The following CCDC60 variants were observed in gnomAD, a reference collection of about 807,000 sequenced individuals.
CCDC60 encodes the protein coiled-coil domain-containing protein 60.
In CCDC60, 54 loss-of-function variants were observed where a neutral mutation model predicts 63.5. The ratio of observed to expected loss-of-function variants is 0.85; its 90% CI spans 0.68 to 1.07. The LOEUF (loss-of-function observed/expected upper bound fraction) is 1.07. Among genes scored for constraint, CCDC60 ranks in the 50% least tolerant of loss-of-function variants. The pLI, the probability that CCDC60 is intolerant of heterozygous loss-of-function variation, is 0.00. For synonymous variants in CCDC60, 206 were observed against 238.8 expected (o/e 0.86, Z 1.27); for missense variants, 651 against 684.3 (o/e 0.95, Z 0.54).
intron 1 of CCDC60, among the ~76,000 whole-genome samples, chr12:119,345,253 C>A (rs2136146881): frequency 6.6e-6 from 1 of 152,248 alleles, no homozygotes; most frequent in African/African-American, 2.4e-5. Flanking sequence ...CCCGTAATCC[C>A]AGCACTTTGG....
At chr12:119,389,190 A>G (rs778374668) in intron 1 of CCDC60, among the ~76,000 whole-genome samples, 1 of 152,210 alleles carries the variant, frequency 6.6e-6, no homozygotes, top group Non-Finnish European at 1.5e-5. Flanking sequence ...ATGATAACAC[A>G]TAAGTACCTC....
At chr12:119,440,318 C>T (rs533707651) in intron 2 of CCDC60, among the ~76,000 whole-genome samples, 2 of 152,186 alleles carry the variant, frequency 1.3e-5, no homozygotes, top group South Asian at 4.1e-4. Flanking sequence ...ATTGTGAGGT[C>T]AGGAGATCAA....
intron 2 of CCDC60, among the ~76,000 whole-genome samples, chr12:119,446,404 G>C (rs1398368818): frequency 6.6e-6 from 1 of 152,196 alleles, no homozygotes; most frequent in African/African-American, 2.4e-5. Context: ...ACAATTCCAG[G>C]GGGCATCATT....
At chr12:119,383,035 A>G (rs1956024392) in intron 1 of CCDC60, among the ~76,000 whole-genome samples, 1 of 152,192 alleles carries the variant, frequency 6.6e-6, no homozygotes, top group Admixed American at 6.5e-5. Context: ...CTGGGTGGCC[A>G]CTGCACTGGA....
intron 1 of CCDC60, among the ~76,000 whole-genome samples, chr12:119,339,104 C>T (rs1438218653): frequency 1.3e-5 from 2 of 152,052 alleles, no homozygotes; most frequent in African/African-American, 4.8e-5. Flanking sequence ...ATGTTGGGTT[C>T]CCTAATCTGC....
intron 1 of CCDC60, among the ~76,000 whole-genome samples, chr12:119,358,779 C>T (rs1342727542): frequency 3.3e-5 from 5 of 152,116 alleles, no homozygotes; most frequent in Non-Finnish European, 7.4e-5. Context: ...GTCATTTGTT[C>T]ATTATCATTG....
intron 2 of CCDC60, among the ~76,000 whole-genome samples, chr12:119,458,792 G>A (rs1950796827): frequency 6.6e-6 from 1 of 151,602 alleles, no homozygotes; most frequent in Non-Finnish European, 1.5e-5. Context: ...TGTCACCCAG[G>A]CTAGAGTGCA....
chr12:119,358,346 T>A (rs1044645277), intron 1 of CCDC60, among the ~76,000 whole-genome samples: 6 of 152,200 alleles, frequency 3.9e-5, no homozygotes, highest in Non-Finnish European at 7.4e-5. Context: ...ATTGCTATTA[T>A]AAAAGGGTGA....
chr12:119,360,165 G>C (rs1243567537), intron 1 of CCDC60, among the ~76,000 whole-genome samples: 2 of 146,140 alleles, frequency 1.4e-5, no homozygotes, highest in East Asian at 4.2e-4. Flanking sequence ...GCGGGGGGCT[G>C]ACCCCCCCCC....
chr12:119,494,509 G>A (rs550886031), intron 5 of CCDC60, among the ~76,000 whole-genome samples: 1 of 152,280 alleles, frequency 6.6e-6, no homozygotes, highest in African/African-American at 2.4e-5. Flanking sequence ...GAGACCAAGT[G>A]GGTGTAATCC....
Position 119,537,609 on chromosome 12 carries a change from T to TTTTTGGGATGGGG in CCDC60, c.1552-3000_1552-2999insGGATGGGGTTTTG, listed in dbSNP as rs747680045. ...AGATGGGGTTTTGGTGTGGATGTCC[T>TTTTTGGGATGGGG]TTTTGTTGATGTTGATGCTATTCCT... is the stretch of plus-strand genomic sequence containing the variant. On this transcript the variant is annotated intron_variant, in intron 13 of 13. Coordinates refer to ENST00000327554, the MANE Select transcript of CCDC60 (RefSeq NM_178499.5). 1.6e-3 allele frequency among the ~76,000 whole-genome samples: 247 copies of TTTTTGGGATGGGG among 152,356 alleles called. 2 individuals carry two copies. Among genetic ancestry groups the TTTTTGGGATGGGG allele is most frequent in the Non-Finnish European group, 3.1e-3 (212 of 68,034 alleles).
chr12:119,417,927 CG>C (rs2136211293), intron 1 of CCDC60, among the ~76,000 whole-genome samples: 1 of 152,224 alleles, frequency 6.6e-6, no homozygotes, highest in Non-Finnish European at 1.5e-5. Flanking sequence ...CTGACATTTA[CG>C]GAAGACCCAA....
intron 2 of CCDC60, among the ~76,000 whole-genome samples, chr12:119,454,294 A>C (rs1214393036): frequency 1.3e-5 from 2 of 152,204 alleles, no homozygotes; most frequent in Non-Finnish European, 2.9e-5. Flanking sequence ...AATGGGGATA[A>C]TAGTACTTAC....
intron 5 of CCDC60, among the ~76,000 whole-genome samples, chr12:119,491,487 C>A (rs1370616307): frequency 6.6e-6 from 1 of 152,116 alleles, no homozygotes; most frequent in African/African-American, 2.4e-5. Context: ...CGCCACCACG[C>A]CCGGCTAATT....
chr12:119,468,797 G>C (rs961428504), intron 2 of CCDC60, among the ~76,000 whole-genome samples: 3 of 151,886 alleles, frequency 2.0e-5, no homozygotes, highest in African/African-American at 7.2e-5. Flanking sequence ...TTTTAGGCCA[G>C]GTGCAGTGGC....
intron 6 of CCDC60, among the ~76,000 whole-genome samples, chr12:119,500,736 C>A (rs1330950729): frequency 1.3e-5 from 2 of 152,070 alleles, no homozygotes; most frequent in African/African-American, 2.4e-5. Context: ...CACCTGTAGT[C>A]CCAGGTATTA....
chr12:119,498,855 C>T (rs760004988), intron 5 of CCDC60, among the ~76,000 whole-genome samples: 7 of 152,156 alleles, frequency 4.6e-5, no homozygotes, highest in Non-Finnish European at 8.8e-5. Flanking sequence ...TTGAGACTCC[C>T]TGCTTTCTTA....
chr12:119,510,905 G>T (rs903606271), intron 7 of CCDC60, among the ~76,000 whole-genome samples: 7 of 152,170 alleles, frequency 4.6e-5, no homozygotes, highest in Non-Finnish European at 8.8e-5. Context: ...TAGTCACAGG[G>T]CTATGCCCAG....
intron 1 of CCDC60, among the ~76,000 whole-genome samples, chr12:119,416,913 G>A (rs1156705479): frequency 6.6e-6 from 1 of 152,034 alleles, no homozygotes; most frequent in East Asian, 1.9e-4. Flanking sequence ...CTGAGGCCAG[G>A]AGTTTGAGAC....
Sources: gnomAD v4.1 joint callset for allele counts (sites outside exome capture counted in the v4.1 genomes callset) on GRCh38, gnomAD v4.1.1 for gene constraint, MANE v1.5 for transcripts, NCBI Gene and HGNC (gene_info 2026-07-23, HGNC 2026-07-21) for gene names.